The following SLA variants were observed in gnomAD, a reference collection of about 807,000 sequenced individuals.
SLA encodes Src like adaptor.
A neutral mutation model predicts 30.3 loss-of-function variants in SLA; 16 were observed. The ratio of observed to expected loss-of-function variants is 0.53; its 90% CI spans 0.36 to 0.80. The LOEUF (loss-of-function observed/expected upper bound fraction) is 0.80, where lower values mean the gene tolerates loss of function less well. Ranked by LOEUF, SLA falls within the 30% of genes least tolerant of loss-of-function variation. The pLI, the probability that SLA is intolerant of heterozygous loss-of-function variation, is 0.01. For synonymous variants in SLA, 143 were observed against 137.8 expected (o/e 1.04, Z -0.26); for missense variants, 310 against 345.2 (o/e 0.90, Z 0.81).
Position 133,038,552 on chromosome 8 carries a change from A to C in SLA, c.803T>G (p.Phe268Cys). Residue 268 changes from phenylalanine to cysteine, a missense_variant, in exon 9 of 9, where the codon TTC becomes TGC. Physicochemically the swap from Phe to Cys is radical, Grantham distance 205. Coordinates refer to ENST00000338087, the MANE Select transcript of SLA (RefSeq NM_001045556.3). ...GTCCTCAAAGTAAGGTGGTGATGAGAAGAATGAGCTCTTTCTCTTGCTGCC... is the reference window on the plus strand; with the variant it reads ...GTCCTCAAAGTAAGGTGGTGATGAGCAGAATGAGCTCTTTCTCTTGCTGCC... Reference protein sequence around the residue: ...YGGSKRKSSFFSSPPYFED With the variant: ...YGGSKRKSSFCSSPPYFED 6.2e-7 allele frequency: 1 copy of C among 1,613,810 alleles called. No individual in the cohort carries two copies. The highest frequency in any genetic ancestry group is 8.5e-7 in the Non-Finnish European group (1 of 1,179,686).
At position 133,050,947 on chromosome 8, in the gene SLA, A is replaced by C. The variant is rs764406064; in HGVS notation, c.62-32T>G. On this transcript the variant is annotated intron_variant, in intron 3 of 8. Coordinates refer to ENST00000338087, the MANE Select transcript of SLA (RefSeq NM_001045556.3). ...AAACAAAGGCAAGGGGGAAGGGGGC[A>C]AGGTGCTTTTTATTCACAAGGAGCT... 3 of 1,341,536 alleles carry C rather than the reference A, an allele frequency of 2.2e-6. No homozygotes were observed. In the South Asian group the frequency reaches 3.5e-5, roughly 16 times the overall value. 83.1% of individuals were successfully genotyped at this position (1,341,536 alleles called of 1,614,324 possible). A position where few individuals can be genotyped will look rare whatever the true frequency, so the allele number is the denominator to read the frequency against.
chr8:133,084,724 G>T (rs1008171458), intron 1 of SLA, among the ~76,000 whole-genome samples: 4 of 152,232 alleles, frequency 2.6e-5, no homozygotes, highest in Admixed American at 1.3e-4. Flanking sequence ...CCCAGCAGAA[G>T]TGCCCGGGAG....
At chr8:133,068,169 G>T (rs375032659) in intron 2 of SLA, among the ~76,000 whole-genome samples, 1 of 152,216 alleles carries the variant, frequency 6.6e-6, no homozygotes, top group Non-Finnish European at 1.5e-5. Context: ...CAAGCAATCT[G>T]CTCAAGGTCA....
chr8:133,057,440 G>A (rs1349202166), intron 3 of SLA, among the ~76,000 whole-genome samples: 2 of 152,162 alleles, frequency 1.3e-5, no homozygotes, highest in Admixed American at 1.3e-4. Context: ...AAAACTTTTG[G>A]GGAATGGCCA....
intron 2 of SLA, among the ~76,000 whole-genome samples, chr8:133,070,259 G>C (rs2245047): frequency 0.84 from 126,974 of 151,728 alleles, 53,480 homozygotes; most frequent in African/African-American, 0.93. Context: ...GTGTGGAGCG[G>C]TCTCATAAGC....
At chr8:133,045,515 C>T (rs2131154160) in intron 6 of SLA, among the ~76,000 whole-genome samples, 1 of 151,492 alleles carries the variant, frequency 6.6e-6, no homozygotes, top group East Asian at 1.9e-4. Context: ...CCACCTCAGC[C>T]TCCAGAGTAG....
intron 2 of SLA, among the ~76,000 whole-genome samples, chr8:133,067,187 C>T (rs1261551707): frequency 6.6e-6 from 1 of 152,140 alleles, no homozygotes; most frequent in African/African-American, 2.4e-5. Flanking sequence ...ACAGGTGCAC[C>T]TCTCTGAGTG....
At chr8:133,047,194 G>A (rs1027265745) in intron 6 of SLA, 1 of 152,224 alleles carries the variant, frequency 6.6e-6, no homozygotes, top group East Asian at 1.9e-4. Flanking sequence ...TCATGACAAA[G>A]AGCTCACTCT....
chr8:133,068,115 G>A (rs1012906176), intron 2 of SLA, among the ~76,000 whole-genome samples: 2 of 152,186 alleles, frequency 1.3e-5, no homozygotes, highest in Admixed American at 1.3e-4. Context: ...TTGAAAAGTA[G>A]CAACTCAACA....
chr8:133,066,402 G>A (rs1338871941), intron 2 of SLA, among the ~76,000 whole-genome samples: 3 of 151,842 alleles, frequency 2.0e-5, no homozygotes, highest in Non-Finnish European at 4.4e-5. Context: ...TACTAGCTGT[G>A]CTTTTAGAAT....
rs1180692209 is a variant in SLA at position 133,036,795 on chromosome 8, A to G, written c.*1729T>C. 2 of 152,664 alleles carry G rather than the reference A, an allele frequency of 1.3e-5. No individual in the cohort carries two copies. The highest frequency in any genetic ancestry group is 6.5e-5 in the Admixed American group (1 of 15,284). The allele number at this position is 152,664 out of a possible 1,614,324, so 9.5% of individuals were successfully genotyped here. A position where few individuals can be genotyped will look rare whatever the true frequency, so the allele number is the denominator to read the frequency against. Reference sequence around the variant, plus strand: ...TAAATACATGATTTAGCAAAGTGTAATGCTTCCCACTGAGAAATCCCTCTG... The same window carrying G: ...TAAATACATGATTTAGCAAAGTGTAGTGCTTCCCACTGAGAAATCCCTCTG... On this transcript the variant is annotated 3_prime_UTR_variant, in exon 9 of 9. Transcript: ENST00000338087.
chr8:133,097,029 G>T (rs993936872), intron 1 of SLA, among the ~76,000 whole-genome samples: 1 of 152,184 alleles, frequency 6.6e-6, no homozygotes, highest in Non-Finnish European at 1.5e-5. Context: ...CCCTGCCTTG[G>T]ACAAGCTACT....
At chr8:133,058,742 GA>G (rs1422747766) in intron 3 of SLA, among the ~76,000 whole-genome samples, 10 of 152,248 alleles carry the variant, frequency 6.6e-5, no homozygotes, top group Non-Finnish European at 1.0e-4. Flanking sequence ...TGTCGCATGG[GA>G]GATAGAGGGC....
intron 7 of SLA, 118 bp downstream of exon 7, chr8:133,044,866 A>G: frequency 1.0e-6 from 1 of 971,424 alleles, no homozygotes; most frequent in Non-Finnish European, 1.6e-6. Flanking sequence ...AGAGCATATC[A>G]TGAAGGCAGC....
intron 2 of SLA, among the ~76,000 whole-genome samples, chr8:133,073,677 C>G (rs1057194649): frequency 5.9e-5 from 9 of 152,296 alleles, no homozygotes; most frequent in African/African-American, 2.2e-4. Flanking sequence ...GCAAACCACA[C>G]AATGACAATT....
In SLA at chr8:133,060,118, G is replaced by A; in HGVS notation, c.43C>T (p.Pro15Ser). 6.2e-7 allele frequency: 1 copy of A among 1,606,868 alleles called. No individual in the cohort carries two copies. Among genetic ancestry groups the A allele is most frequent in the Non-Finnish European group, 8.5e-7 (1 of 1,178,030 alleles). Residue 15 changes from proline to serine, a missense_variant, in exon 3 of 9, where the codon CCC becomes TCC. Coordinates refer to ENST00000338087, the MANE Select transcript of SLA (RefSeq NM_001045556.3). ...MKSTPAPAERPLPNPEGLDSD... is the reference protein window; with the variant it reads ...MKSTPAPAERSLPNPEGLDSD... ...GACTTACCCTCCGGGTTGGGCAGGGGCCTCTCGGCAGGCGCAGGGGTGGAT... is the reference window on the plus strand; with the variant it reads ...GACTTACCCTCCGGGTTGGGCAGGGACCTCTCGGCAGGCGCAGGGGTGGAT...
At chr8:133,100,662 C>G (rs1324018997) in intron 1 of SLA, among the ~76,000 whole-genome samples, 1 of 152,158 alleles carries the variant, frequency 6.6e-6, no homozygotes, top group Non-Finnish European at 1.5e-5. Context: ...TATCCTCTTC[C>G]CATGACGTCA....
At chr8:133,100,639 A>G (rs1849094277) in intron 1 of SLA, among the ~76,000 whole-genome samples, 1 of 152,178 alleles carries the variant, frequency 6.6e-6, no homozygotes, top group Non-Finnish European at 1.5e-5. Context: ...ACCCAGTTCT[A>G]TCTGCCTCCA....
At position 133,102,535 on chromosome 8, in the gene SLA, G is replaced by A. The variant is rs1432069899; in HGVS notation, c.-319+18C>T. ...GCCCACCCAGGGGGTCCCAATGACA[G>A]CAAAGTTAGCAACCTACCGGTGGAG... On this transcript the variant is annotated intron_variant, in intron 1 of 8. Transcript: ENST00000338087. The A allele has an allele frequency of 1.3e-5, 20 of 1,551,134 alleles. No homozygotes were observed. Among genetic ancestry groups the A allele is most frequent in the Middle Eastern group, 1.7e-4 (1 of 6,010 alleles).
Sources: gnomAD v4.1 joint callset for allele counts (sites outside exome capture counted in the v4.1 genomes callset) on GRCh38, gnomAD v4.1.1 for gene constraint, MANE v1.5 for transcripts, NCBI Gene and HGNC (gene_info 2026-07-23, HGNC 2026-07-21) for gene names.